Variants in AGO4 observed in about 807,000 individuals in gnomAD.
AGO4 encodes argonaute RISC component 4.
Under a neutral mutation model 104.7 loss-of-function variants are expected in AGO4, and 33 were observed. The observed-to-expected ratio is 0.32, with a 90% CI of 0.24 to 0.42. The LOEUF (loss-of-function observed/expected upper bound fraction) is 0.42, where lower values mean the gene tolerates loss of function less well. Among genes scored for constraint, AGO4 ranks in the 10% least tolerant of loss-of-function variants. The pLI, the probability that AGO4 is intolerant of heterozygous loss-of-function variation, is 1.00. For missense variants in AGO4, 711 were observed against 1,083.4 expected, an observed-to-expected ratio of 0.66 and a Z score of 4.83; for synonymous variants, 331 against 364.7, an observed-to-expected ratio of 0.91 and a Z score of 1.05.
At chr1:35,842,148 G>A (rs1644461387) in intron 15 of AGO4, among the ~76,000 whole-genome samples, 1 of 152,166 alleles carries the variant, frequency 6.6e-6, no homozygotes, top group Admixed American at 6.5e-5. Context: ...TATCCGCATA[G>A]GACACGGGTC....
At chr1:35,839,135 C>T (rs1186398118) in intron 13 of AGO4, among the ~76,000 whole-genome samples, 2 of 151,998 alleles carry the variant, frequency 1.3e-5, no homozygotes, top group Non-Finnish European at 2.9e-5. Context: ...TGTGCACCAC[C>T]ACGCCTGGCT....
At chr1:35,821,345 T>C (rs1159307588) in intron 2 of AGO4, among the ~76,000 whole-genome samples, 1 of 152,226 alleles carries the variant, frequency 6.6e-6, no homozygotes, top group East Asian at 1.9e-4. Context: ...ACAGATTTCA[T>C]TTGTAGTAAT....
chr1:35,817,901 C>A (rs150928745), intron 2 of AGO4, among the ~76,000 whole-genome samples: 5 of 152,078 alleles, frequency 3.3e-5, no homozygotes, highest in African/African-American at 1.2e-4. Context: ...ATCCATCCAA[C>A]GAATATTTTA....
rs1644434321 is a variant in AGO4, at chr1:35,841,250, G to A, written c.1810G>A (p.Ala604Thr). The A allele has an allele frequency of 6.2e-7, 1 of 1,614,148 alleles. No individual in the cohort carries two copies. Among genetic ancestry groups the A allele is most frequent in the Non-Finnish European group, 8.5e-7 (1 of 1,180,020 alleles). The change falls in exon 14 of 18, where the codon GCT becomes ACT. Residue 604 changes from alanine to threonine, a missense_variant. By Grantham distance (58) the Ala-to-Thr change is moderately conservative. This residue lies in a region of AGO4 where 401 missense variants were observed against 665.5 expected (regional missense o/e 0.60). Transcript: ENST00000373210. This position sits in a 1 kb window ranked among gnomAD's most constrained non-coding sequence, Gnocchi z 4.7. Reference sequence around the variant, plus strand: ...AGGGGATGGGAAGAAACCTTCCATTGCTGCTGTGGTTGGCAGTATGGATGG... The same window carrying A: ...AGGGGATGGGAAGAAACCTTCCATTACTGCTGTGGTTGGCAGTATGGATGG... Reference protein sequence around the residue: ...PAGDGKKPSIAAVVGSMDGHP... With the variant: ...PAGDGKKPSITAVVGSMDGHP...
At position 35,854,297 on chromosome 1, in the gene AGO4, T is replaced by C. The variant is rs1329814690; in HGVS notation, c.*692T>C. 1 of 152,644 alleles carries C rather than the reference T, an allele frequency of 6.6e-6. No homozygotes were observed. The highest frequency in any genetic ancestry group is 2.4e-5 in the African/African-American group (1 of 41,450). The allele number at this position is 152,644 out of a possible 1,614,324, so 9.5% of individuals were successfully genotyped here. ...GGTCGACTTTTGTGAATGTGTGACA[T>C]AAACAGATGTAATGCATGTCACAGT... is the stretch of plus-strand genomic sequence containing the variant. On this transcript the variant is annotated 3_prime_UTR_variant, in exon 18 of 18. Coordinates refer to ENST00000373210, the MANE Select transcript of AGO4 (RefSeq NM_017629.4).
At chr1:35,815,365 A>G (rs1309982123) in intron 1 of AGO4, among the ~76,000 whole-genome samples, 1 of 152,196 alleles carries the variant, frequency 6.6e-6, no homozygotes, top group Non-Finnish European at 1.5e-5. Flanking sequence ...TGTCATCAAA[A>G]AGGAGTAAGA....
At chr1:35,814,908 C>T (rs535382913) in intron 1 of AGO4, among the ~76,000 whole-genome samples, 11 of 152,276 alleles carry the variant, frequency 7.2e-5, no homozygotes, top group Non-Finnish European at 1.5e-4. Flanking sequence ...GACTGAGTCT[C>T]CCTCTGTCGC....
intron 3 of AGO4, among the ~76,000 whole-genome samples, chr1:35,824,949 A>G (rs1023513752): frequency 2.0e-5 from 3 of 152,224 alleles, no homozygotes; most frequent in African/African-American, 7.2e-5. Context: ...CCCATACCCT[A>G]CTGTCCCTGG....
Position 35,816,998 on chromosome 1 carries a change from C to T in AGO4, c.136C>T (p.His46Tyr). 4 of 1,613,874 alleles carry T rather than the reference C, an allele frequency of 2.5e-6. No individual in the cohort carries two copies. Among genetic ancestry groups the T allele is most frequent in the Non-Finnish European group, 2.5e-6 (3 of 1,179,916 alleles). ...QVQIPKIDVY[H>Y]YDVDIKPEKR... ...TCAGATTCCTAAAATAGATGTGTATCACTATGATGTGGATATTAAGCCTGA... is the reference window on the plus strand; with the variant it reads ...TCAGATTCCTAAAATAGATGTGTATTACTATGATGTGGATATTAAGCCTGA... Residue 46 changes from histidine to tyrosine, a missense_variant, in exon 2 of 18, where the codon CAC (histidine) becomes TAC (tyrosine). Physicochemically the swap from His to Tyr is moderately conservative, Grantham distance 83 (BLOSUM62 2). Around this residue, in one of 3 missense-constraint regions of AGO4, gnomAD observed 308 missense variants for 397.8 expected, o/e 0.77. Transcript: ENST00000373210.
chr1:35,850,780 CA>C (rs796652586), intron 16 of AGO4, 73 bp from the exon 17 acceptor site: 41,959 of 534,226 alleles, frequency 0.079, 2 homozygotes, highest in Middle Eastern at 0.083. Flanking sequence ...GACTCCATCT[CA>C]AAAAAAAAAA....
intron 15 of AGO4, among the ~76,000 whole-genome samples, chr1:35,848,870 C>A (rs1267725174): frequency 1.3e-5 from 2 of 151,882 alleles, no homozygotes; most frequent in African/African-American, 4.8e-5. Flanking sequence ...ATGCTAGAAC[C>A]AACTAGATTT....
At chr1:35,816,072 T>C (rs1643683693) in intron 1 of AGO4, among the ~76,000 whole-genome samples, 1 of 152,224 alleles carries the variant, frequency 6.6e-6, no homozygotes, top group Non-Finnish European at 1.5e-5. Flanking sequence ...TCTAGCTTTA[T>C]TGGTATTGTT....
chr1:35,834,087 G>A lies in AGO4; in HGVS notation c.1477G>A (p.Val493Met), dbSNP rs1185865641. 1 of 1,612,324 alleles carries A rather than the reference G, an allele frequency of 6.2e-7. No individual in the cohort carries two copies. The highest frequency in any genetic ancestry group is 1.3e-5 in the African/African-American group (1 of 74,970). Residue 493 changes from valine (V) to methionine (M), a missense_variant, in exon 12 of 18, where the codon GTG (valine) becomes ATG (methionine). Around this residue, in one of 3 missense-constraint regions of AGO4, gnomAD observed 401 missense variants for 665.5 expected, o/e 0.60. Coordinates refer to ENST00000373210, the MANE Select transcript of AGO4 (RefSeq NM_017629.4). ...FCKYAQGADS[V>M]EPMFKHLKMT... ...CAAGTATGCACAAGGTGCAGACAGT[G>A]TGGAGCCTATGTTTAAACATCTGAA...
Position 35,841,820 on chromosome 1 carries a change from A to G in AGO4, c.2175+70A>G. On this transcript the variant is annotated intron_variant, in intron 15 of 17. Transcript: ENST00000373210. The surrounding 1 kb of genome is among the most constrained non-coding windows in gnomAD (Gnocchi z 4.7). ...GAGATGTATATATGCACATATATAT[A>G]TATATATATATATATATACACCATT... 1.2e-6 allele frequency: 1 copy of G among 816,296 alleles called. No homozygotes were observed. Among genetic ancestry groups the G allele is most frequent in the East Asian group, 3.9e-5 (1 of 25,378 alleles). 50.6% of individuals were successfully genotyped at this position (816,296 alleles called of 1,614,324 possible).
intron 2 of AGO4, among the ~76,000 whole-genome samples, chr1:35,819,088 A>G (rs1643823145): frequency 1.3e-5 from 2 of 152,206 alleles, no homozygotes; most frequent in South Asian, 2.1e-4. Context: ...AAATATTTTC[A>G]TACTACTGTC....
intron 3 of AGO4, among the ~76,000 whole-genome samples, chr1:35,825,099 G>GT (rs1451529661): frequency 1.7e-4 from 26 of 152,170 alleles, no homozygotes; most frequent in African/African-American, 6.0e-4. Flanking sequence ...CGTCATCCAT[G>GT]TTATAACATC....
chr1:35,850,177 A>G lies in AGO4; in HGVS notation c.2196A>G (p.Val732=). ...KTERVGKSGN[V]PAGTTVDSTI... is the part of the protein sequence containing the mutation. ...TGTAGGTAGGGAAAAGTGGCAATGT[A>G]CCAGCAGGCACTACAGTGGATAGTA... Residue 732 remains valine (V), a synonymous_variant, in exon 16 of 18, where the codon GTA becomes GTG. Coordinates refer to ENST00000373210, the MANE Select transcript of AGO4 (RefSeq NM_017629.4). 1 of 1,590,480 alleles carries G rather than the reference A, an allele frequency of 6.3e-7. No homozygotes were observed. Among genetic ancestry groups the G allele is most frequent in the Non-Finnish European group, 8.5e-7 (1 of 1,169,866 alleles).
rs1344363479 is a variant in AGO4, at chr1:35,841,855, T to C, written c.2175+105T>C. On this transcript the variant is annotated intron_variant, in intron 15 of 17. Transcript: ENST00000373210. This position sits in a 1 kb window ranked among gnomAD's most constrained non-coding sequence, Gnocchi z 4.7. ...ATATATATACACCATTTTTATACAA[T>C]TTTTTTCTTAAAAGCAGAAATGCCT... is the stretch of plus-strand genomic sequence containing the variant. 5.9e-6 allele frequency: 5 copies of C among 851,660 alleles called. No individual in the cohort carries two copies. The Admixed American group carries it at 1.8e-4, about 31-fold the overall frequency. The allele number at this position is 851,660 out of a possible 1,614,324, so 52.8% of individuals were successfully genotyped here.
rs373322053 is a variant in AGO4, at chr1:35,855,054, T to C, written c.*1449T>C. On this transcript the variant is annotated 3_prime_UTR_variant, in exon 18 of 18. Coordinates refer to ENST00000373210, the MANE Select transcript of AGO4 (RefSeq NM_017629.4). ...AATGTAGGGGAAAATGTATTCTGTA[T>C]GTAGTGTAGATAATACTTTGTGAAT... The C allele has an allele frequency of 1.3e-5, 2 of 152,592 alleles. No individual in the cohort carries two copies. The highest frequency in any genetic ancestry group is 2.1e-4 in the South Asian group (1 of 4,834). The allele number at this position is 152,592 out of a possible 1,614,324, so 9.5% of individuals were successfully genotyped here.
Sources: allele counts gnomAD v4.1 joint callset (sites outside exome capture counted in the v4.1 genomes callset), GRCh38; gene constraint gnomAD v4.1.1; regional missense constraint gnomAD v4.1.1; non-coding constraint Gnocchi (gnomAD v3.1); transcripts MANE v1.5; gene names NCBI Gene and HGNC (gene_info 2026-07-23, HGNC 2026-07-21).